Variants in TPH2 observed in about 807,000 individuals in gnomAD.
The protein encoded by TPH2 is tryptophan 5-hydroxylase 2.
TPH2 carries 27 observed loss-of-function variants against 59.1 expected under a neutral mutation model. The ratio of observed to expected loss-of-function variants is 0.46; its 90% CI spans 0.34 to 0.63. TPH2 has a LOEUF of 0.63. Among genes scored for constraint, TPH2 ranks in the 30% least tolerant of loss-of-function variants. The pLI is 0.01. For synonymous variants in TPH2, 220 were observed against 210.5 expected (o/e 1.05, Z -0.39); for missense variants, 523 against 588.3 (o/e 0.89, Z 1.15).
At chr12:72,002,770 T>C (rs898354035) in intron 8 of TPH2, among the ~76,000 whole-genome samples, 3 of 151,784 alleles carry the variant, frequency 2.0e-5, no homozygotes, top group Non-Finnish European at 4.4e-5. Flanking sequence ...TTTTTTTTTT[T>C]GCAGGAAAGA....
At chr12:72,010,359 A>G (rs562010049) in intron 8 of TPH2, among the ~76,000 whole-genome samples, 1 of 152,198 alleles carries the variant, frequency 6.6e-6, no homozygotes, top group South Asian at 2.1e-4. Flanking sequence ...TTACTAAAAG[A>G]CCCTCAATGT....
rs1872645657 is a variant in TPH2, at chr12:71,994,439, A to T, written c.942A>T (p.Pro314=). Reference sequence around the variant, plus strand: ...GTCTTTGTGATGTCTTTTTTGTCAGAGACACATGCCATGAACTCTTGGGAC... The same window carrying T: ...GTCTTTGTGATGTCTTTTTTGTCAGTGACACATGCCATGAACTCTTGGGAC... ...HGSDPLYTPE[P]DTCHELLGHV... The change falls in exon 8 of 11, where the codon CCA becomes CCT. Residue 314 remains proline (P), a splice_region_variant and synonymous_variant. Coordinates refer to ENST00000333850, the MANE Select transcript of TPH2 (RefSeq NM_173353.4). 2 of 1,613,868 alleles carry T rather than the reference A, an allele frequency of 1.2e-6. No homozygotes were observed. The highest frequency in any genetic ancestry group is 4.5e-5 in the East Asian group (2 of 44,868).
intron 1 of TPH2, among the ~76,000 whole-genome samples, chr12:71,940,469 C>T (rs752824927): frequency 6.6e-6 from 1 of 152,150 alleles, no homozygotes; most frequent in Non-Finnish European, 1.5e-5. Context: ...GATAACTATT[C>T]ACTGGGTCCC....
At chr12:72,022,075 T>C (rs1293527998) in intron 8 of TPH2, among the ~76,000 whole-genome samples, 2 of 152,172 alleles carry the variant, frequency 1.3e-5, no homozygotes, top group African/African-American at 2.4e-5. Context: ...GTTACGGAGG[T>C]ATCATTGTGA....
At position 71,939,038 on chromosome 12, in the gene TPH2, T is replaced by TTTTC; in HGVS notation, c.53_56dup (p.Leu20PhefsTer20). The TTTTC allele has an allele frequency of 6.2e-7, 1 of 1,613,878 alleles. No homozygotes were observed. The highest frequency in any genetic ancestry group is 8.5e-7 in the Non-Finnish European group (1 of 1,179,990). Reference sequence around the variant, plus strand: ...CAGTAAATACTGGGCACGGAGAGGGTTTTCCCTGGATTCAGCAGTGCCCGA... The same window carrying TTTTC: ...CAGTAAATACTGGGCACGGAGAGGGTTTTCTTTCCCTGGATTCAGCAGTGCCCGA... On this transcript the variant is annotated frameshift_variant, in exon 1 of 11. Transcript: ENST00000333850. LOFTEE classifies it high-confidence loss of function.
At position 71,981,966 on chromosome 12, in the gene TPH2, G is replaced by A. The variant is rs118144229; in HGVS notation, c.941+2879G>A. ...TGGAAACTTGGGATTCACTCACTTGGGGTTGTTTTTACAAGCCCTTTATTT... is the reference window on the plus strand; with the variant it reads ...TGGAAACTTGGGATTCACTCACTTGAGGTTGTTTTTACAAGCCCTTTATTT... On this transcript the variant is annotated intron_variant, in intron 7 of 10. Coordinates refer to ENST00000333850, the MANE Select transcript of TPH2 (RefSeq NM_173353.4). Among the ~76,000 whole-genome samples, 252 of 137,252 alleles carry A rather than the reference G, an allele frequency of 1.8e-3. 5 individuals are homozygous for A. In the East Asian group the frequency reaches 0.047, roughly 25 times the overall value. The allele number at this position is 137,252 out of a possible 152,430, so 90.0% of individuals were successfully genotyped here. A position where few individuals can be genotyped will look rare whatever the true frequency, so the allele number is the denominator to read the frequency against.
intron 8 of TPH2, among the ~76,000 whole-genome samples, chr12:72,009,723 C>T (rs1873050261): frequency 6.6e-6 from 1 of 152,228 alleles, no homozygotes; most frequent in African/African-American, 2.4e-5. Flanking sequence ...GAAATGAAGG[C>T]ACCTGCCCCA....
chr12:71,978,793 A>G (rs962235207), intron 6 of TPH2, among the ~76,000 whole-genome samples, 159 bp from the exon 7 acceptor site: 1 of 152,230 alleles, frequency 6.6e-6, no homozygotes, highest in African/African-American at 2.4e-5. Flanking sequence ...AGCACCAAAC[A>G]TGATAGCTGT....
chr12:72,030,933 G>A (rs760559896), intron 9 of TPH2, among the ~76,000 whole-genome samples: 10 of 152,078 alleles, frequency 6.6e-5, no homozygotes, highest in Non-Finnish European at 1.3e-4. Flanking sequence ...TCATAGCATA[G>A]ATTTAAAATC....
chr12:71,976,075 G>T (rs1047097870), intron 6 of TPH2, among the ~76,000 whole-genome samples: 1 of 152,164 alleles, frequency 6.6e-6, no homozygotes, highest in African/African-American at 2.4e-5. Context: ...AGAATGTCAG[G>T]GCTTGAGTCC....
At chr12:72,019,866 C>G (rs978179227) in intron 8 of TPH2, among the ~76,000 whole-genome samples, 1 of 152,156 alleles carries the variant, frequency 6.6e-6, no homozygotes, top group Non-Finnish European at 1.5e-5. Flanking sequence ...ATCGATGTCA[C>G]AGGCAGGAAA....
intron 7 of TPH2, among the ~76,000 whole-genome samples, chr12:71,989,100 T>TAAAAAAAAAAA (rs34334884): frequency 8.6e-6 from 1 of 116,284 alleles, no homozygotes; most frequent in Non-Finnish European, 1.8e-5. Context: ...CTGGCTTTAT[T>TAAAAAAAAAAA]AAAAAAAAAA....
chr12:71,961,757 C>A, intron 5 of TPH2: 1 of 1,325,730 alleles, frequency 7.5e-7, no homozygotes, highest in Non-Finnish European at 9.9e-7. Flanking sequence ...GGACTTTCTG[C>A]AAGGTGAGAA....
intron 5 of TPH2, chr12:71,964,863 G>A (rs1871773116): frequency 2.0e-6 from 1 of 495,206 alleles, no homozygotes; most frequent in Non-Finnish European, 2.6e-6. Context: ...GGGTTTTGTT[G>A]TACATATTAT....
At chr12:72,002,415 T>C (rs1872847614) in intron 8 of TPH2, among the ~76,000 whole-genome samples, 2 of 152,010 alleles carry the variant, frequency 1.3e-5, no homozygotes, top group South Asian at 2.1e-4. Flanking sequence ...ACTGTAGTAA[T>C]CGTAAATTAG....
chr12:71,996,596 A>G (rs755912346), intron 8 of TPH2, among the ~76,000 whole-genome samples: 16 of 152,286 alleles, frequency 1.1e-4, no homozygotes, highest in Non-Finnish European at 2.1e-4. Context: ...GGAGCAAGAT[A>G]TATCGCTCAC....
At chr12:71,957,146 A>C (rs193299361) in intron 5 of TPH2, among the ~76,000 whole-genome samples, 4 of 152,250 alleles carry the variant, frequency 2.6e-5, no homozygotes, top group Admixed American at 2.6e-4. Flanking sequence ...TCATCTTAAA[A>C]TGGGCACAAC....
Position 71,939,266 on chromosome 12 carries a change from T to C in TPH2, c.105+175T>C, listed in dbSNP as rs367857889. ...GCCTCCAGTCTTCCTCTTCTCTCCA[T>C]AAGTAAAGCGAGTGTGCCAATCACT... On this transcript the variant is annotated intron_variant, in intron 1 of 10. Coordinates refer to ENST00000333850, the MANE Select transcript of TPH2 (RefSeq NM_173353.4). Among the ~76,000 whole-genome samples the C allele has an allele frequency of 1.9e-4, 29 of 152,216 alleles. 1 individual carries two copies. The South Asian group carries it at 5.8e-3, about 30-fold the overall frequency.
chr12:72,012,748 T>C (rs1057322460), intron 8 of TPH2, among the ~76,000 whole-genome samples: 2 of 152,200 alleles, frequency 1.3e-5, no homozygotes, highest in African/African-American at 2.4e-5. Flanking sequence ...ATGCATGACA[T>C]TCCTGTTAGT....
Sources: allele counts gnomAD v4.1 joint callset (sites outside exome capture counted in the v4.1 genomes callset), GRCh38; gene constraint gnomAD v4.1.1; transcripts MANE v1.5; gene names NCBI Gene and HGNC (gene_info 2026-07-23, HGNC 2026-07-21).